The following KIAA1671 variants were observed in gnomAD, a reference collection of about 807,000 sequenced individuals.
KIAA1671 encodes the protein uncharacterized protein KIAA1671.
In KIAA1671, 52 loss-of-function variants were observed where a neutral mutation model predicts 131.2. That is an observed-to-expected ratio of 0.40 (90% CI 0.32 to 0.50). The LOEUF is 0.50. KIAA1671 is among the 20% of genes least tolerant of loss of function. KIAA1671 has a pLI of 0.73. For missense variants in KIAA1671, 2,360 were observed against 2,364.2 expected, an observed-to-expected ratio of 1.00 and a Z score of 0.04; for synonymous variants, 1,003 against 961.6, an observed-to-expected ratio of 1.04 and a Z score of -0.80.
Position 25,174,502 on chromosome 22 carries a change from C to A in KIAA1671, c.4899+13C>A. Reference sequence around the variant, plus strand: ...CTCCTTCATTGATGTAAGTCAGTGGCCAGGAGCATTTCTTCTTAAATGGAA... The same window carrying A: ...CTCCTTCATTGATGTAAGTCAGTGGACAGGAGCATTTCTTCTTAAATGGAA... On this transcript the variant is annotated intron_variant, in intron 8 of 12. Transcript: ENST00000358431. 6.7e-7 allele frequency: 1 copy of A among 1,493,638 alleles called. No homozygotes were observed. 92.5% of individuals were successfully genotyped at this position (1,493,638 alleles called of 1,614,324 possible).
At chr22:25,000,760 C>T (rs898460709) in intron 1 of KIAA1671, among the ~76,000 whole-genome samples, 3 of 151,422 alleles carry the variant, frequency 2.0e-5, no homozygotes, top group East Asian at 3.9e-4. Flanking sequence ...CAAGTGAATC[C>T]GCCTGCCTCG....
At chr22:25,135,092 C>CT (rs1932614055) in intron 6 of KIAA1671, among the ~76,000 whole-genome samples, 2 of 152,144 alleles carry the variant, frequency 1.3e-5, no homozygotes, top group African/African-American at 4.8e-5. Context: ...CTATCCCTGC[C>CT]CCATCTCATT....
chr22:25,029,351 C>T lies in KIAA1671; in HGVS notation c.1352C>T (p.Ala451Val), dbSNP rs1032555944. The T allele has an allele frequency of 6.4e-6, 10 of 1,550,460 alleles. No individual in the cohort carries two copies. The African/African-American group carries it at 6.8e-5, about 11-fold the overall frequency. The change falls in exon 3 of 13, where the codon GCC (alanine) becomes GTC (valine). Residue 451 changes from alanine (A) to valine (V), a missense_variant. Physicochemically the swap from Ala to Val is moderately conservative, Grantham distance 64. Coordinates refer to ENST00000358431, the MANE Select transcript of KIAA1671 (RefSeq NM_001145206.2). Reference protein sequence around the residue: ...ISLFREDSTLALAVGSESPLA... With the variant: ...ISLFREDSTLVLAVGSESPLA... ...CTGTTTCGGGAGGACAGCACCTTGG[C>T]CTTGGCAGTGGGGTCTGAATCTCCC...
intron 6 of KIAA1671, among the ~76,000 whole-genome samples, chr22:25,150,204 C>T (rs1932988532): frequency 6.6e-6 from 1 of 152,200 alleles, no homozygotes; most frequent in African/African-American, 2.4e-5. Context: ...GTGAGGCAGA[C>T]GGGCATTGTT....
chr22:25,179,357 C>A, intron 9 of KIAA1671: 6 of 1,600,078 alleles, frequency 3.7e-6, no homozygotes, highest in Non-Finnish European at 5.1e-6. Context: ...GCACCTCGGC[C>A]GCGTGCAGCT....
chr22:25,123,738 C>A (rs1932053604), intron 6 of KIAA1671, among the ~76,000 whole-genome samples: 2 of 152,222 alleles, frequency 1.3e-5, no homozygotes, highest in Admixed American at 1.3e-4. Flanking sequence ...AGCTTGACTC[C>A]AAACTCATGA....
intron 6 of KIAA1671, among the ~76,000 whole-genome samples, chr22:25,151,421 C>T (rs1185713374): frequency 1.4e-5 from 2 of 143,100 alleles, no homozygotes; most frequent in East Asian, 4.0e-4. Context: ...ACAACATCAA[C>T]ATGAACTCTT....
At chr22:25,178,926 G>C (rs1008636548) in intron 9 of KIAA1671, among the ~76,000 whole-genome samples, 3 of 152,242 alleles carry the variant, frequency 2.0e-5, no homozygotes, top group African/African-American at 7.2e-5. Context: ...CTGGCCAGGG[G>C]CGCCGGCTCA....
intron 5 of KIAA1671, among the ~76,000 whole-genome samples, chr22:25,046,075 G>A (rs1368692473): frequency 6.6e-6 from 1 of 152,164 alleles, no homozygotes; most frequent in Admixed American, 6.5e-5. Flanking sequence ...GCCGAGGCTG[G>A]CAGATCACTT....
intron 1 of KIAA1671, among the ~76,000 whole-genome samples, chr22:25,009,305 C>T (rs1924905849): frequency 1.5e-5 from 2 of 134,116 alleles, no homozygotes; most frequent in South Asian, 2.6e-4. Flanking sequence ...TGCTCTGTCA[C>T]CCAGGCTGGA....
chr22:25,164,986 T>C (rs868074946), intron 6 of KIAA1671, among the ~76,000 whole-genome samples: 1 of 123,966 alleles, frequency 8.1e-6, no homozygotes, highest in African/African-American at 4.6e-5. Context: ...GGCGTGTGTG[T>C]GTGTGTGTGT....
Position 24,954,589 on chromosome 22 carries a change from G to T in KIAA1671, c.-208+1817G>T, listed in dbSNP as rs548616512. ...TCAGGAGCACTGTAGAAATGGTGTG[G>T]CCTAGGGCAACTCAGGATTTGTCCT... On this transcript the variant is annotated intron_variant, in intron 1 of 12. Coordinates refer to ENST00000358431, the MANE Select transcript of KIAA1671 (RefSeq NM_001145206.2). 3.3e-5 allele frequency among the ~76,000 whole-genome samples: 5 copies of T among 152,278 alleles called. 1 individual carries two copies. The South Asian group carries it at 1.0e-3, about 32-fold the overall frequency.
At chr22:24,990,356 G>C (rs557864738) in intron 1 of KIAA1671, among the ~76,000 whole-genome samples, 1 of 152,134 alleles carries the variant, frequency 6.6e-6, no homozygotes, top group Non-Finnish European at 1.5e-5. Context: ...CTCCAGAAGT[G>C]GTAGGATTAA....
At chr22:25,081,638 G>A (rs935400860) in intron 6 of KIAA1671, among the ~76,000 whole-genome samples, 1 of 150,030 alleles carries the variant, frequency 6.7e-6, no homozygotes, top group East Asian at 2.0e-4. Flanking sequence ...TTTTAAGCAT[G>A]TGCAGAGCTA....
Position 25,040,891 on chromosome 22 carries a change from C to T in KIAA1671, c.3761C>T (p.Pro1254Leu), listed in dbSNP as rs1926884022. Residue 1254 changes from proline (P) to leucine (L), a missense_variant, in exon 5 of 13, where the codon CCC becomes CTC. This residue lies in a region of KIAA1671 where 1,161 missense variants were observed against 1,204.7 expected (regional missense o/e 0.96). Coordinates refer to ENST00000358431, the MANE Select transcript of KIAA1671 (RefSeq NM_001145206.2). ...AGAAGGAGGAGCCTGAAGGAGATGC[C>T]CGATACCGGGGGTCTCTGGAAACCG... ...EQRRRSLKEM[P>L]DTGGLWKPAS... 2.0e-6 allele frequency: 3 copies of T among 1,525,064 alleles called. No homozygotes were observed. The highest frequency in any genetic ancestry group is 2.2e-5 in the Admixed American group (1 of 46,474). The allele number at this position is 1,525,064 out of a possible 1,614,324, so 94.5% of individuals were successfully genotyped here.
chr22:25,136,629 C>T (rs1050515340), intron 6 of KIAA1671, among the ~76,000 whole-genome samples: 1 of 152,174 alleles, frequency 6.6e-6, no homozygotes, highest in South Asian at 2.1e-4. Context: ...GGGACGTGGT[C>T]TCCCAGGTTT....
intron 6 of KIAA1671, among the ~76,000 whole-genome samples, chr22:25,165,748 G>A (rs1933622335): frequency 6.6e-6 from 1 of 152,220 alleles, no homozygotes; most frequent in East Asian, 1.9e-4. Context: ...AAAGTTCTGG[G>A]AAGGCTTCCT....
intron 6 of KIAA1671, among the ~76,000 whole-genome samples, chr22:25,087,015 G>C (rs986177182): frequency 6.6e-6 from 1 of 152,156 alleles, no homozygotes; most frequent in Non-Finnish European, 1.5e-5. Flanking sequence ...TAAGGCTTTG[G>C]GGTGCAACGG....
intron 6 of KIAA1671, among the ~76,000 whole-genome samples, chr22:25,123,189 GGTT>G (rs1482266137): frequency 4.7e-5 from 6 of 128,544 alleles, no homozygotes; most frequent in Non-Finnish European, 9.4e-5. Context: ...TCTGAGATGA[GGTT>G]TTTTTTTTTT....
Sources: allele counts gnomAD v4.1 joint callset (sites outside exome capture counted in the v4.1 genomes callset), GRCh38; gene constraint gnomAD v4.1.1; regional missense constraint gnomAD v4.1.1; transcripts MANE v1.5; gene names NCBI Gene and HGNC (gene_info 2026-07-23, HGNC 2026-07-21).